TMPO: variants seen among roughly 807,000 people sequenced by gnomAD.
TMPO encodes thymopoietin, also known as LEM domain containing 4.
TMPO carries 22 observed loss-of-function variants against 45.4 expected under a neutral mutation model. That is an observed-to-expected ratio of 0.48 (90% confidence interval 0.35 to 0.69). The LOEUF is 0.69. Among genes scored for constraint, TMPO ranks in the 30% least tolerant of loss-of-function variants. The pLI, the probability that TMPO is intolerant of heterozygous loss-of-function variation, is 0.01. For missense variants in TMPO, 512 were observed against 548.8 expected (o/e 0.93, Z 0.67); for synonymous variants, 241 against 204.1 (o/e 1.18, Z -1.54).
Position 98,531,693 on chromosome 12 carries a change from G to C in TMPO, c.420G>C (p.Lys140Asn). 6.2e-7 allele frequency: 1 copy of C among 1,612,580 alleles called. No individual in the cohort carries two copies. The highest frequency in any genetic ancestry group is 8.5e-7 in the Non-Finnish European group (1 of 1,179,956). ...GCCTTAATCCAGGAACAACCAGGAA[G>C]CTATATGAGAAAAAGCTTTTGAAAC... ...NPGPIVGTTRKLYEKKLLKLR... is the reference protein window; with the variant it reads ...NPGPIVGTTRNLYEKKLLKLR... The change falls in exon 3 of 9, where the codon AAG becomes AAC. Residue 140 changes from lysine to asparagine, a missense_variant. By Grantham distance (94) the Lys-to-Asn change is moderately conservative. Coordinates refer to ENST00000556029, the MANE Select transcript of TMPO (RefSeq NM_001032283.3).
chr12:98,535,403 A>G (rs972548312), intron 3 of TMPO: 1 of 985,382 alleles, frequency 1.0e-6, no homozygotes, highest in Non-Finnish European at 1.2e-6. Flanking sequence ...GTATTGTGGA[A>G]AGTAGTAGCC....
chr12:98,539,745 A>T (rs1042260073), intron 4 of TMPO, among the ~76,000 whole-genome samples: 1 of 152,142 alleles, frequency 6.6e-6, no homozygotes, highest in Admixed American at 6.6e-5. Context: ...GATTGCTGGG[A>T]TTACAGGCAT....
At chr12:98,537,640 T>C in intron 4 of TMPO, 68 bp downstream of exon 4, 1 of 1,203,594 alleles carries the variant, frequency 8.3e-7, no homozygotes, top group Non-Finnish European at 1.2e-6. Context: ...ATCCATGTTT[T>C]AGCCTTTAAT....
intron 1 of TMPO, among the ~76,000 whole-genome samples, chr12:98,517,707 TA>T (rs1875971713): frequency 6.6e-6 from 1 of 152,218 alleles, no homozygotes; most frequent in East Asian, 1.9e-4. Context: ...ATTTGTACAA[TA>T]AATAAAAGAC....
At chr12:98,534,052 C>T in intron 3 of TMPO, 2 of 1,608,340 alleles carry the variant, frequency 1.2e-6, no homozygotes, top group Non-Finnish European at 1.7e-6. Context: ...AGACATTAGT[C>T]AAGCTGCACA....
chr12:98,537,710 A>G, intron 4 of TMPO, 138 bp downstream of exon 4: 1 of 785,598 alleles, frequency 1.3e-6, no homozygotes, highest in Non-Finnish European at 2.2e-6. Flanking sequence ...AATGATACTA[A>G]AAATCTAAAC....
chr12:98,515,890 C>T lies in TMPO; in HGVS notation c.23C>T (p.Pro8Leu). 1.2e-6 allele frequency: 2 copies of T among 1,613,724 alleles called. No individual in the cohort carries two copies. Among genetic ancestry groups the T allele is most frequent in the Non-Finnish European group, 1.7e-6 (2 of 1,179,800 alleles). Reference protein sequence around the residue: MPEFLEDPSVLTKDKLKS... With the variant: MPEFLEDLSVLTKDKLKS... ...GAGATGCCGGAGTTCCTGGAAGACC[C>T]CTCGGTCCTGACAAAAGACAAGTTG... The change falls in exon 1 of 9, where the codon CCC (proline) becomes CTC (leucine). Residue 8 changes from proline to leucine, a missense_variant. Coordinates refer to ENST00000556029, the MANE Select transcript of TMPO (RefSeq NM_001032283.3).
rs776923796 is a variant in TMPO at position 98,533,337 on chromosome 12, A to G, written c.565+1499A>G. 8.1e-6 allele frequency: 13 copies of G among 1,614,238 alleles called. No individual in the cohort carries two copies. The highest frequency in any genetic ancestry group is 1.7e-5 in the Admixed American group (1 of 60,030). Reference sequence around the variant, plus strand: ...CTCTCTCCAGTAAAAGGAAAGCACTAGAAGAGTCTGAGAGCTCACAACTAA... The same window carrying G: ...CTCTCTCCAGTAAAAGGAAAGCACTGGAAGAGTCTGAGAGCTCACAACTAA... On this transcript the variant is annotated intron_variant, in intron 3 of 8. Transcript: ENST00000556029.
intron 3 of TMPO, 146 bp from the exon 4 acceptor site, chr12:98,537,325 TAAAC>T: frequency 3.2e-6 from 2 of 629,548 alleles, no homozygotes; most frequent in Non-Finnish European, 5.5e-6. Flanking sequence ...AAATTGCAGT[TAAAC>T]AATTTTGGAC....
chr12:98,541,058 C>T (rs1376559685), intron 4 of TMPO, among the ~76,000 whole-genome samples: 1 of 152,058 alleles, frequency 6.6e-6, no homozygotes, highest in African/African-American at 2.4e-5. Context: ...TTGATGTTCA[C>T]ATTGTGCCAT....
chr12:98,538,072 C>T (rs1484254456), intron 4 of TMPO, among the ~76,000 whole-genome samples: 2 of 152,126 alleles, frequency 1.3e-5, no homozygotes, highest in South Asian at 2.1e-4. Flanking sequence ...GTGGGAGAGG[C>T]GTTTCAGTTT....
intron 3 of TMPO, 91 bp downstream of exon 3, chr12:98,531,929 T>C (rs1877224457): frequency 2.1e-5 from 22 of 1,061,528 alleles, no homozygotes; most frequent in Non-Finnish European, 3.0e-5. Flanking sequence ...TAAAACAATA[T>C]TGGCAAGATA....
rs1357270052 is a variant in TMPO at position 98,515,829 on chromosome 12, G to A, written c.-39G>A. On this transcript the variant is annotated 5_prime_UTR_variant, in exon 1 of 9. Coordinates refer to ENST00000556029, the MANE Select transcript of TMPO (RefSeq NM_001032283.3). ...CAAGCGCGCCGGCGTGAGCGGCGGC[G>A]GCAAAGGCTGTGGGGAGGGGGCTTC... 2 of 1,589,230 alleles carry A rather than the reference G, an allele frequency of 1.3e-6. No individual in the cohort carries two copies. Among genetic ancestry groups the A allele is most frequent in the African/African-American group, 1.4e-5 (1 of 73,998 alleles).
intron 1 of TMPO, 130 bp from the exon 2 acceptor site, chr12:98,527,756 G>T: frequency 3.1e-6 from 3 of 977,920 alleles, no homozygotes; most frequent in Non-Finnish European, 4.7e-6. Flanking sequence ...TAATTTAATG[G>T]AATTGCTAAG....
chr12:98,520,647 G>A (rs555924310), intron 1 of TMPO, among the ~76,000 whole-genome samples: 3 of 147,334 alleles, frequency 2.0e-5, no homozygotes, highest in African/African-American at 7.5e-5. Context: ...TTTTTGAAAC[G>A]GAGTCTCAGT....
intron 3 of TMPO, among the ~76,000 whole-genome samples, chr12:98,536,620 G>C (rs1877588400): frequency 6.6e-6 from 1 of 152,072 alleles, no homozygotes; most frequent in Non-Finnish European, 1.5e-5. Flanking sequence ...CAAAGTGCTG[G>C]GATTACAAGC....
In TMPO at chr12:98,544,463, CGT is replaced by C. The variant is rs1565816643; in HGVS notation, c.806_807del (p.Arg269HisfsTer14). On this transcript the variant is annotated frameshift_variant, in exon 6 of 9. Transcript: ENST00000556029. LOFTEE classifies it high-confidence loss of function. The part of the protein sequence containing the change: ...RKRVETSEHF[R>X]IDGPVISEST... The stretch of plus-strand genomic sequence containing the variant: ...ACAGGTGGAAACTTCAGAACATTTT[CGT>C]ATAGATGGTCCAGTAATTTCAGAGA... The C allele has an allele frequency of 6.2e-7, 1 of 1,613,786 alleles. No homozygotes were observed. The highest frequency in any genetic ancestry group is 1.1e-5 in the South Asian group (1 of 91,056).
At position 98,537,391 on chromosome 12, in the gene TMPO, C is replaced by G. The variant is rs535199872; in HGVS notation, c.566-84C>G. 2.5e-6 allele frequency: 3 copies of G among 1,185,026 alleles called. No individual in the cohort carries two copies. The East Asian group carries it at 7.5e-5, about 29-fold the overall frequency. 73.4% of individuals were successfully genotyped at this position (1,185,026 alleles called of 1,614,324 possible). ...TTTTCACCTTTTAATGTGCCTAAAA[C>G]CAGGGTTCCCGATTAATATTAGGAT... On this transcript the variant is annotated intron_variant, in intron 3 of 8. Transcript: ENST00000556029.
At chr12:98,534,319 A>T (rs1482407845) in intron 3 of TMPO, 1 of 1,612,678 alleles carries the variant, frequency 6.2e-7, no homozygotes, top group Non-Finnish European at 8.5e-7. Context: ...CAAAGTAATT[A>T]AAAAGCGTGG....
Sources: gnomAD v4.1 joint callset for allele counts (sites outside exome capture counted in the v4.1 genomes callset) on GRCh38, gnomAD v4.1.1 for gene constraint, MANE v1.5 for transcripts, NCBI Gene and HGNC (gene_info 2026-07-23, HGNC 2026-07-21) for gene names.